The following CEP89 variants were observed in gnomAD, a reference collection of about 807,000 sequenced individuals.
The protein encoded by CEP89 is centrosomal protein of 89 kDa.
In CEP89, 95 loss-of-function variants were observed where a neutral mutation model predicts 97.6. The observed-to-expected ratio is 0.97, with a 90% CI of 0.82 to 1.15. CEP89 has a LOEUF of 1.15. Among genes scored for constraint, CEP89 ranks in the 50% most tolerant of loss-of-function variants. The pLI, the probability that CEP89 is intolerant of heterozygous loss-of-function variation, is 0.00. For synonymous variants in CEP89, 354 were observed against 349.1 expected (o/e 1.01, Z -0.16); for missense variants, 869 against 947.7 (o/e 0.92, Z 1.09).
At chr19:32,942,384 A>T (rs1248597106) in intron 5 of CEP89, among the ~76,000 whole-genome samples, 2 of 152,186 alleles carry the variant, frequency 1.3e-5, no homozygotes, top group African/African-American at 4.8e-5. Flanking sequence ...CGCCTCAAAA[A>T]AATAAGAAAA....
intron 16 of CEP89, among the ~76,000 whole-genome samples, chr19:32,896,128 C>T (rs1969636205): frequency 6.6e-6 from 1 of 152,116 alleles, no homozygotes; most frequent in East Asian, 1.9e-4. Flanking sequence ...CTACTTTATA[C>T]ATATGGAACC....
rs1476128207 is a variant in CEP89 at position 32,877,423 on chromosome 19, T to C, written c.*1739A>G. 1 of 152,082 alleles carries C rather than the reference T, an allele frequency of 6.6e-6. No individual in the cohort carries two copies. Among genetic ancestry groups the C allele is most frequent in the Non-Finnish European group, 1.5e-5 (1 of 68,052 alleles). 9.4% of individuals were successfully genotyped at this position (152,082 alleles called of 1,614,324 possible). ...AGTTAGGGTCCTTTGTAGCCCAATG[T>C]CCCCAAGTCCCTCCAGCATGCCTGG... On this transcript the variant is annotated 3_prime_UTR_variant, in exon 19 of 19. Coordinates refer to ENST00000305768, the MANE Select transcript of CEP89 (RefSeq NM_032816.5).
chr19:32,936,402 G>T lies in CEP89; in HGVS notation c.667+1229C>A, dbSNP rs34802140. Among the ~76,000 whole-genome samples the T allele has an allele frequency of 0.36, 53,949 of 151,928 alleles. 9,794 individuals are homozygous for T. Among genetic ancestry groups the T allele is most frequent in the Admixed American group, 0.48 (7,256 of 15,260 alleles). ...TGGTGTGAGCAGCCTGGGTGCCATG[G>T]ACTGGGCAGCAGGAGGGAGACAGGT... is the stretch of plus-strand genomic sequence containing the variant. On this transcript the variant is annotated intron_variant, in intron 7 of 18. Transcript: ENST00000305768. The surrounding 1 kb of genome is among the most constrained non-coding windows in gnomAD (Gnocchi z 4.5).
chr19:32,942,193 G>A (rs986215912), intron 5 of CEP89, among the ~76,000 whole-genome samples: 3 of 152,114 alleles, frequency 2.0e-5, no homozygotes, highest in Admixed American at 6.5e-5. Context: ...ACCAGCCTGG[G>A]CAACAGAGCA....
chr19:32,946,094 G>A (rs1001369206), intron 5 of CEP89, among the ~76,000 whole-genome samples: 2 of 151,994 alleles, frequency 1.3e-5, no homozygotes, highest in East Asian at 1.9e-4. Context: ...CAATCCTGTT[G>A]TTATTATTAT....
At chr19:32,956,333 C>A (rs950026017) in intron 3 of CEP89, among the ~76,000 whole-genome samples, 2 of 151,372 alleles carry the variant, frequency 1.3e-5, no homozygotes, top group African/African-American at 4.9e-5. Context: ...GGATTACAGG[C>A]GTGAGCCACC....
At chr19:32,946,077 T>C (rs1281532787) in intron 5 of CEP89, among the ~76,000 whole-genome samples, 2 of 152,256 alleles carry the variant, frequency 1.3e-5, no homozygotes, top group African/African-American at 4.8e-5. Context: ...CTTTACTCCT[T>C]AGTAGGCAAT....
In CEP89 at chr19:32,950,148, C is replaced by T. The variant is rs143796099; in HGVS notation, c.493-1780G>A. Among the ~76,000 whole-genome samples, 111 of 152,162 alleles carry T rather than the reference C, an allele frequency of 7.3e-4. 1 individual carries two copies. The highest frequency in any genetic ancestry group is 2.5e-3 in the African/African-American group (105 of 41,510). On this transcript the variant is annotated intron_variant, in intron 4 of 18. Transcript: ENST00000305768. Reference sequence around the variant, plus strand: ...GGGATTATAGGTGTGAGCCACCACGCAAGGCCGACCTCAAGCTTTTTTATC... The same window carrying T: ...GGGATTATAGGTGTGAGCCACCACGTAAGGCCGACCTCAAGCTTTTTTATC...
chr19:32,956,559 G>A (rs1971053661), intron 3 of CEP89, among the ~76,000 whole-genome samples: 1 of 151,610 alleles, frequency 6.6e-6, no homozygotes, highest in African/African-American at 2.4e-5. Context: ...AGAGATGGGG[G>A]TCTCACTTTG....
intron 14 of CEP89, among the ~76,000 whole-genome samples, chr19:32,907,699 A>G (rs1969918111): frequency 6.6e-6 from 1 of 151,904 alleles, no homozygotes; most frequent in Non-Finnish European, 1.5e-5. Flanking sequence ...TGATCTGCCC[A>G]CCTCAGCCTC....
intron 17 of CEP89, among the ~76,000 whole-genome samples, chr19:32,885,383 C>A (rs925320420): frequency 6.6e-6 from 1 of 152,194 alleles, no homozygotes; most frequent in Non-Finnish European, 1.5e-5. Context: ...TGCAGAGGCA[C>A]GAACATAGCT....
intron 16 of CEP89, among the ~76,000 whole-genome samples, chr19:32,888,556 A>G (rs59084925): frequency 0.33 from 49,829 of 151,542 alleles, 8,514 homozygotes; most frequent in African/African-American, 0.37. Context: ...GGTGGTGTGC[A>G]CCTGTAGTCT....
At position 32,891,003 on chromosome 19, in the gene CEP89, C is replaced by T. The variant is rs148455708; in HGVS notation, c.1876-3162G>A. On this transcript the variant is annotated intron_variant, in intron 16 of 18. Transcript: ENST00000305768. ...GCAGCGGCGAGGCACCAGGTGGACC[C>T]AGTGGAGCAGCGGGTCCCCAGCACT... Among the ~76,000 whole-genome samples, 433 of 152,302 alleles carry T rather than the reference C, an allele frequency of 2.8e-3. 2 individuals carry two copies. Among genetic ancestry groups the T allele is most frequent in the African/African-American group, 0.01 (418 of 41,562 alleles).
rs202154728 is a variant in CEP89 at position 32,966,100 on chromosome 19, A to AT, written c.146+259dup. The stretch of plus-strand genomic sequence containing the variant: ...GAATACTTGGGCTTTAATGCTTTAC[A>AT]TTTTTTTTTAAATACTCATTGCATT... On this transcript the variant is annotated intron_variant, in intron 2 of 18. Coordinates refer to ENST00000305768, the MANE Select transcript of CEP89 (RefSeq NM_032816.5). 662 of 349,822 alleles carry AT rather than the reference A, an allele frequency of 1.9e-3. 2 individuals carry two copies. Among genetic ancestry groups the AT allele is most frequent in the African/African-American group, 9.6e-3 (459 of 47,628 alleles). 21.7% of individuals were successfully genotyped at this position (349,822 alleles called of 1,614,324 possible).
In CEP89 at chr19:32,936,580, C is replaced by T. The variant is rs1345359451; in HGVS notation, c.667+1051G>A. Among the ~76,000 whole-genome samples, 1 of 152,154 alleles carries T rather than the reference C, an allele frequency of 6.6e-6. No homozygotes were observed. Among genetic ancestry groups the T allele is most frequent in the African/African-American group, 2.4e-5 (1 of 41,436 alleles). On this transcript the variant is annotated intron_variant, in intron 7 of 18. Transcript: ENST00000305768. This position sits in a 1 kb window ranked among gnomAD's most constrained non-coding sequence, Gnocchi z 4.5. The stretch of plus-strand genomic sequence containing the variant: ...CACCCATGGCCACCCATGGACCAAT[C>T]GGTGCGCACTTCCTCCCTTCTGAGG...
rs749846338 is a variant in CEP89 at position 32,971,877 on chromosome 19, T to C, written c.-3A>G. 8 of 1,587,770 alleles carry C rather than the reference T, an allele frequency of 5.0e-6. No homozygotes were observed. In the East Asian group the frequency reaches 1.4e-4, roughly 28 times the overall value. ...CCTCTCCGAAATCCCAGGAGCATCC[T>C]TGCAGCGCGAGGAGAATGGACCGGG... On this transcript the variant is annotated 5_prime_UTR_variant, in exon 1 of 19. Transcript: ENST00000305768.
Position 32,931,035 on chromosome 19 carries a change from G to A in CEP89, c.1029+394C>T, listed in dbSNP as rs538374826. ...TGAGTAGCTGGGGCTACAGGCATGC[G>A]CCACCATGCTCAGCTAATTTTTTTA... On this transcript the variant is annotated intron_variant, in intron 9 of 18. Coordinates refer to ENST00000305768, the MANE Select transcript of CEP89 (RefSeq NM_032816.5). 9.2e-5 allele frequency among the ~76,000 whole-genome samples: 14 copies of A among 152,136 alleles called. 1 individual carries two copies. Among genetic ancestry groups the A allele is most frequent in the African/African-American group, 3.1e-4 (13 of 41,520 alleles).
At chr19:32,900,742 T>C (rs1485143789) in intron 15 of CEP89, among the ~76,000 whole-genome samples, 1 of 152,212 alleles carries the variant, frequency 6.6e-6, no homozygotes, top group Non-Finnish European at 1.5e-5. Flanking sequence ...ATTATAGACT[T>C]TAGAAATGTT....
At chr19:32,917,228 G>A (rs1275678038) in intron 13 of CEP89, among the ~76,000 whole-genome samples, 1 of 152,132 alleles carries the variant, frequency 6.6e-6, no homozygotes, top group Non-Finnish European at 1.5e-5. Flanking sequence ...AAAGATAAGA[G>A]GCTCCACAAC....
Sources: allele counts gnomAD v4.1 joint callset (sites outside exome capture counted in the v4.1 genomes callset), GRCh38; gene constraint gnomAD v4.1.1; non-coding constraint Gnocchi (gnomAD v3.1); transcripts MANE v1.5; gene names NCBI Gene and HGNC (gene_info 2026-07-23, HGNC 2026-07-21).